Variants in POU5F2 observed in about 807,000 individuals in gnomAD.
POU5F2 encodes the protein POU domain class 5, transcription factor 2, also known as POU domain, class 5, transcription factor 2.
For missense variants in POU5F2, 401 were observed against 426.6 expected, an observed-to-expected ratio of 0.94 and a Z score of 0.53; for synonymous variants, 191 against 178.7, an observed-to-expected ratio of 1.07 and a Z score of -0.55.
At position 93,739,736 on chromosome 5, in the gene POU5F2, T is replaced by C. The variant is rs1399828870; in HGVS notation, c.*841A>G. The C allele has an allele frequency of 1.3e-5, 2 of 152,096 alleles. No individual in the cohort carries two copies. Among genetic ancestry groups the C allele is most frequent in the Admixed American group, 1.3e-4 (2 of 15,262 alleles). 9.4% of individuals were successfully genotyped at this position (152,096 alleles called of 1,614,324 possible). On this transcript the variant is annotated 3_prime_UTR_variant, in exon 1 of 1. Transcript: ENST00000606183. ...GGAAGTTTGGATAAACTATTACAAA[T>C]ATCCTCTCAAAACCATTATAAGAGA...
At position 93,741,346 on chromosome 5, in the gene POU5F2, C is replaced by A; in HGVS notation, c.218G>T (p.Arg73Leu). ...GGGCCTGCAGGGTGCTATCCAGCCC[C>A]GGAATTCGTGTGGCAGGGGACCCAG... Reference protein sequence around the residue: ...IPLGPLPHEFRGWIAPCRPRL... With the variant: ...IPLGPLPHEFLGWIAPCRPRL... Residue 73 changes from arginine to leucine, a missense_variant, in exon 1 of 1, where the codon CGG (arginine) becomes CTG (leucine). Transcript: ENST00000606183. The A allele has an allele frequency of 6.2e-7, 1 of 1,611,334 alleles. No individual in the cohort carries two copies.
rs1746962908 is a variant in POU5F2, at chr5:93,735,188, T to C, written c.*5389A>G. ...TTCTTCTGTTTAAGGGATCTTCTGA[T>C]TAAAGTTTCTACATATCATCTTAAA... is the stretch of plus-strand genomic sequence containing the variant. On this transcript the variant is annotated 3_prime_UTR_variant, in exon 1 of 1. Transcript: ENST00000606183. The C allele has an allele frequency of 6.6e-6, 1 of 152,272 alleles. No individual in the cohort carries two copies. The highest frequency in any genetic ancestry group is 2.1e-4 in the South Asian group (1 of 4,836). The allele number at this position is 152,272 out of a possible 1,614,324, so 9.4% of individuals were successfully genotyped here. A position where few individuals can be genotyped will look rare whatever the true frequency, so the allele number is the denominator to read the frequency against.
chr5:93,741,207 G>A lies in POU5F2; in HGVS notation c.357C>T (p.Ile119=). Residue 119 remains isoleucine (I), a synonymous_variant, in exon 1 of 1, where the codon ATC becomes ATT. Transcript: ENST00000606183. ...GCTGCAACTCTTTCAGTATGCCCGA[G>A]ATGTCCTCTGGCGGCGGCAACTTCG... ...SIPKLPPPED[I]SGILKELQQL... 1 of 1,613,866 alleles carries A rather than the reference G, an allele frequency of 6.2e-7. No homozygotes were observed. The highest frequency in any genetic ancestry group is 1.3e-5 in the African/African-American group (1 of 75,044).
In POU5F2 at chr5:93,740,637, G is replaced by A; in HGVS notation, c.927C>T (p.Tyr309=). 1 of 1,613,224 alleles carries A rather than the reference G, an allele frequency of 6.2e-7. No individual in the cohort carries two copies. Among genetic ancestry groups the A allele is most frequent in the African/African-American group, 1.3e-5 (1 of 75,012 alleles). ...CAGAGGAGTGGGCTACCCCTGCAGA[G>A]TAGAGACGTGTATAGTGGGGGATAT... ...PVDIPHYTRL[Y]SAGVAHSSAP... is the part of the protein sequence containing the mutation. Residue 309 remains tyrosine, a synonymous_variant, in exon 1 of 1, where the codon TAC becomes TAT. Coordinates refer to ENST00000606183, the MANE Select transcript of POU5F2 (RefSeq NM_153216.2).
In POU5F2 at chr5:93,736,947, T is replaced by C. The variant is rs1747343155; in HGVS notation, c.*3630A>G. 6.6e-6 allele frequency: 1 copy of C among 152,168 alleles called. No homozygotes were observed. Among genetic ancestry groups the C allele is most frequent in the Non-Finnish European group, 1.5e-5 (1 of 68,022 alleles). The allele number at this position is 152,168 out of a possible 1,614,324, so 9.4% of individuals were successfully genotyped here. ...TTATACAACACAGTACTACACATTTTTGCCAGAGCAAGTGAGTAAGAAAAA... is the reference window on the plus strand; with the variant it reads ...TTATACAACACAGTACTACACATTTCTGCCAGAGCAAGTGAGTAAGAAAAA... On this transcript the variant is annotated 3_prime_UTR_variant, in exon 1 of 1. Transcript: ENST00000606183.
chr5:93,740,809 T>C lies in POU5F2; in HGVS notation c.755A>G (p.Asp252Gly). 1.9e-6 allele frequency: 3 copies of C among 1,613,500 alleles called. No individual in the cohort carries two copies. Among genetic ancestry groups the C allele is most frequent in the Non-Finnish European group, 2.5e-6 (3 of 1,179,628 alleles). The change falls in exon 1 of 1, where the codon GAT becomes GGT. Residue 252 changes from aspartate to glycine, a missense_variant. By Grantham distance (94) the Asp-to-Gly change is moderately conservative (BLOSUM62 -1). Coordinates refer to ENST00000606183, the MANE Select transcript of POU5F2 (RefSeq NM_153216.2). ...HIAGCLQLQK[D>G]VVRVWFYNRS... ...GTTATAGAACCAAACTCGAACCACATCCTTCTGCAGCTGGAGGCACCCAGC... is the reference window on the plus strand; with the variant it reads ...GTTATAGAACCAAACTCGAACCACACCCTTCTGCAGCTGGAGGCACCCAGC...
chr5:93,738,176 T>C lies in POU5F2; in HGVS notation c.*2401A>G, dbSNP rs1747625731. ...ACATTTCTTTAAAGAAGATACAAAA[T>C]AGACAATAAGCATATGAAAAGATGC... On this transcript the variant is annotated 3_prime_UTR_variant, in exon 1 of 1. Coordinates refer to ENST00000606183, the MANE Select transcript of POU5F2 (RefSeq NM_153216.2). The C allele has an allele frequency of 1.7e-5, 3 of 177,030 alleles. No homozygotes were observed. Among genetic ancestry groups the C allele is most frequent in the South Asian group, 1.0e-4 (1 of 9,548 alleles). The allele number at this position is 177,030 out of a possible 1,614,324, so 11.0% of individuals were successfully genotyped here.
Position 93,738,107 on chromosome 5 carries a change from AG to A in POU5F2, c.*2469del. The A allele has an allele frequency of 4.7e-6, 1 of 211,718 alleles. No homozygotes were observed. The highest frequency in any genetic ancestry group is 5.7e-5 in the South Asian group (1 of 17,462). The allele number at this position is 211,718 out of a possible 1,614,324, so 13.1% of individuals were successfully genotyped here. A position where few individuals can be genotyped will look rare whatever the true frequency, so the allele number is the denominator to read the frequency against. ...TTAATATCCAGACTCTATGAAGAAA[AG>A]ACAAACAACCCAGTTTTAAAAATAG... On this transcript the variant is annotated 3_prime_UTR_variant, in exon 1 of 1. Coordinates refer to ENST00000606183, the MANE Select transcript of POU5F2 (RefSeq NM_153216.2).
chr5:93,740,651 A>AG, the POU5F2 span: 1 of 1,613,928 alleles, frequency 6.2e-7, no homozygotes, highest in Non-Finnish European at 8.5e-7. Flanking sequence ...AGACGTGTAT[A>AG]GTGGGGGATA....
chr5:93,735,547 T>C lies in POU5F2; in HGVS notation c.*5030A>G, dbSNP rs1747042789. On this transcript the variant is annotated 3_prime_UTR_variant, in exon 1 of 1. Transcript: ENST00000606183. ...TATGTTCACAACACAATCAGAGTTG[T>C]TTATTCTGGCATTCAACATGGTCTG... 1 of 152,182 alleles carries C rather than the reference T, an allele frequency of 6.6e-6. No homozygotes were observed. Among genetic ancestry groups the C allele is most frequent in the Non-Finnish European group, 1.5e-5 (1 of 68,042 alleles). The allele number at this position is 152,182 out of a possible 1,614,324, so 9.4% of individuals were successfully genotyped here.
chr5:93,740,811 C>T lies in POU5F2; in HGVS notation c.753G>A (p.Lys251=), dbSNP rs1174772682. The change falls in exon 1 of 1, where the codon AAG becomes AAA. Residue 251 remains lysine, a synonymous_variant. Coordinates refer to ENST00000606183, the MANE Select transcript of POU5F2 (RefSeq NM_153216.2). ...TATAGAACCAAACTCGAACCACATC[C>T]TTCTGCAGCTGGAGGCACCCAGCAA... The part of the protein sequence containing the change: ...SHIAGCLQLQ[K]DVVRVWFYNR... 6.2e-6 allele frequency: 10 copies of T among 1,613,590 alleles called. No individual in the cohort carries two copies. Among genetic ancestry groups the T allele is most frequent in the Non-Finnish European group, 8.5e-6 (10 of 1,179,672 alleles).
Position 93,741,530 on chromosome 5 carries a change from G to T in POU5F2, c.34C>A (p.Pro12Thr), listed in dbSNP as rs776757072. ...AGHRPSNHFC[P>T]LPGSGGGGPR... Reference sequence around the variant, plus strand: ...CCGCCCCCACCACTGCCTGGAAGGGGGCAGAAGTGGTTTGAGGGCCTGTGT... The same window carrying T: ...CCGCCCCCACCACTGCCTGGAAGGGTGCAGAAGTGGTTTGAGGGCCTGTGT... Residue 12 changes from proline to threonine, a missense_variant, in exon 1 of 1, where the codon CCC becomes ACC. Physicochemically the swap from Pro to Thr is conservative, Grantham distance 38 (BLOSUM62 -1). Coordinates refer to ENST00000606183, the MANE Select transcript of POU5F2 (RefSeq NM_153216.2). The T allele has an allele frequency of 1.8e-5, 28 of 1,599,166 alleles. No individual in the cohort carries two copies. In the Admixed American group the frequency reaches 4.8e-4, roughly 28 times the overall value.
Position 93,740,735 on chromosome 5 carries a change from T to C in POU5F2, c.829A>G (p.Ile277Val), listed in dbSNP as rs758168668. The C allele has an allele frequency of 6.2e-7, 1 of 1,612,868 alleles. No homozygotes were observed. The highest frequency in any genetic ancestry group is 1.7e-5 in the Admixed American group (1 of 59,800). Residue 277 changes from isoleucine to valine, a missense_variant, in exon 1 of 1, where the codon ATT (isoleucine) becomes GTT (valine). By Grantham distance (29) the Ile-to-Val change is conservative. Transcript: ENST00000606183. ...CAAGGAGGCCCGGCTGTCCCCACAATCTCCCGTGGGGAAGCATCATTGGTT... is the reference window on the plus strand; with the variant it reads ...CAAGGAGGCCCGGCTGTCCCCACAACCTCCCGTGGGGAAGCATCATTGGTT... ...RPTNDASPRE[I>V]VGTAGPPCPG... is the part of the protein sequence containing the mutation.
Position 93,741,302 on chromosome 5 carries a change from C to T in POU5F2, c.262G>A (p.Ala88Thr), listed in dbSNP as rs1381112241. The change falls in exon 1 of 1, where the codon GCA becomes ACA. Residue 88 changes from alanine to threonine, a missense_variant. Physicochemically the swap from Ala to Thr is moderately conservative, Grantham distance 58. Coordinates refer to ENST00000606183, the MANE Select transcript of POU5F2 (RefSeq NM_153216.2). ...GAGGGGCGTCGCAACCAGTCCCCTG[C>T]CTCACTAGCTCCAAGACGGGGCCTG... ...PCRPRLGASEAGDWLRRPSEG... is the reference protein window; with the variant it reads ...PCRPRLGASETGDWLRRPSEG... 5 of 1,613,654 alleles carry T rather than the reference C, an allele frequency of 3.1e-6. No homozygotes were observed. In the South Asian group the frequency reaches 5.5e-5, roughly 18 times the overall value.
rs1746863087 is a variant in POU5F2 at position 93,734,822 on chromosome 5, T to C, written c.*5755A>G. 2.0e-5 allele frequency: 3 copies of C among 152,238 alleles called. No individual in the cohort carries two copies. The East Asian group carries it at 5.8e-4, about 29-fold the overall frequency. The allele number at this position is 152,238 out of a possible 1,614,324, so 9.4% of individuals were successfully genotyped here. On this transcript the variant is annotated 3_prime_UTR_variant, in exon 1 of 1. Coordinates refer to ENST00000606183, the MANE Select transcript of POU5F2 (RefSeq NM_153216.2). ...GTAGATTTCTTTTTCTTTTGCTTTTTTTTTTTGAGACAGAGTCTCACTTTG... is the reference window on the plus strand; with the variant it reads ...GTAGATTTCTTTTTCTTTTGCTTTTCTTTTTTGAGACAGAGTCTCACTTTG...
rs192381183 is a variant in POU5F2, at chr5:93,733,855, T to C, written c.*6722A>G. Reference sequence around the variant, plus strand: ...ACAGTTTGACATAAATAACACCATTTTGCATTCTGAAAAGAATTAATCTTG... The same window carrying C: ...ACAGTTTGACATAAATAACACCATTCTGCATTCTGAAAAGAATTAATCTTG... On this transcript the variant is annotated 3_prime_UTR_variant, in exon 1 of 1. Transcript: ENST00000606183. 2.3e-4 allele frequency: 35 copies of C among 152,358 alleles called. No individual in the cohort carries two copies. The highest frequency in any genetic ancestry group is 6.7e-4 in the African/African-American group (28 of 41,584). The allele number at this position is 152,358 out of a possible 1,614,324, so 9.4% of individuals were successfully genotyped here.
rs1477132565 is a variant in POU5F2, at chr5:93,741,492, C to G, written c.72G>C (p.Pro24=). 6.2e-7 allele frequency: 1 copy of G among 1,612,736 alleles called. No individual in the cohort carries two copies. Among genetic ancestry groups the G allele is most frequent in the Non-Finnish European group, 8.5e-7 (1 of 1,179,438 alleles). ...PGSGGGGPRG[P]MPLRVDTLTW... ...TCAGAGTGTCAACCCGCAGGGGCAT[C>G]GGCCCTCTGGGGCCGCCCCCACCAC... The change falls in exon 1 of 1, where the codon CCG becomes CCC. Residue 24 remains proline, a synonymous_variant. Transcript: ENST00000606183.
Position 93,735,940 on chromosome 5 carries a change from A to C in POU5F2, c.*4637T>G, listed in dbSNP as rs1007398029. The C allele has an allele frequency of 1.3e-4, 20 of 152,076 alleles. No homozygotes were observed. Among genetic ancestry groups the C allele is most frequent in the African/African-American group, 4.8e-4 (20 of 41,402 alleles). The allele number at this position is 152,076 out of a possible 1,614,324, so 9.4% of individuals were successfully genotyped here. A position where few individuals can be genotyped will look rare whatever the true frequency, so the allele number is the denominator to read the frequency against. ...TTCACTGTAGTGAGTTTGGTCCAAG[A>C]ACCAGAAGAAGCTTAATATCTCCAA... On this transcript the variant is annotated 3_prime_UTR_variant, in exon 1 of 1. Coordinates refer to ENST00000606183, the MANE Select transcript of POU5F2 (RefSeq NM_153216.2).
In POU5F2 at chr5:93,741,143, C is replaced by T. The variant is rs373405434; in HGVS notation, c.421G>A (p.Gly141Arg). Residue 141 changes from glycine (G) to arginine (R), a missense_variant, in exon 1 of 1, where the codon GGG (glycine) becomes AGG (arginine). Physicochemically the swap from Gly to Arg is moderately radical, Grantham distance 125. Transcript: ENST00000606183. ...KELRQKRLSL[G>R]YSQADVGIAV... ...ATCCCCACATCGGCCTGCGAGTACC[C>T]TAGGCTCAACCTCTTCTGCCTCAAC... is the stretch of plus-strand genomic sequence containing the variant. 8 of 1,613,870 alleles carry T rather than the reference C, an allele frequency of 5.0e-6. No homozygotes were observed. The highest frequency in any genetic ancestry group is 6.8e-6 in the Non-Finnish European group (8 of 1,179,878).
Sources: allele counts gnomAD v4.1 joint callset, GRCh38; gene constraint gnomAD v4.1.1; transcripts MANE v1.5; gene names NCBI Gene and HGNC (gene_info 2026-07-23, HGNC 2026-07-21).